RPS19BP1: variants seen among roughly 807,000 people sequenced by gnomAD.
RPS19BP1 encodes the protein ribosomal protein S19 binding protein 1.
A neutral mutation model predicts 16.6 loss-of-function variants in RPS19BP1; 14 were observed. The ratio of observed to expected loss-of-function variants is 0.84; its 90% CI spans 0.56 to 1.32. The LOEUF (loss-of-function observed/expected upper bound fraction) is 1.32, where lower values mean the gene tolerates loss of function less well. Ranked by LOEUF, RPS19BP1 falls within the 40% of genes most tolerant of loss-of-function variation. The probability of loss-of-function intolerance (pLI) is 0.00; values close to 1 mark genes in which losing one functional copy is unlikely to be tolerated. For synonymous variants in RPS19BP1, 90 were observed against 77.3 expected (o/e 1.16, Z -0.86); for missense variants, 188 against 178.6 (o/e 1.05, Z -0.30).
Position 39,529,418 on chromosome 22 carries a change from G to T in RPS19BP1, c.*74C>A. On this transcript the variant is annotated 3_prime_UTR_variant, in exon 4 of 4. Coordinates refer to ENST00000334678, the MANE Select transcript of RPS19BP1 (RefSeq NM_194326.4). The stretch of plus-strand genomic sequence containing the variant: ...TCGCCATCTGCTGGCCGCGCGGCAC[G>T]GCCGGTTCCTGGAGCCAGCAGGAGT... 2.5e-6 allele frequency: 4 copies of T among 1,578,188 alleles called. No individual in the cohort carries two copies. Among genetic ancestry groups the T allele is most frequent in the Non-Finnish European group, 3.4e-6 (4 of 1,161,618 alleles).
intron 2 of RPS19BP1, chr22:39,531,880 T>C (rs1931319808): frequency 6.1e-6 from 1 of 162,970 alleles, no homozygotes; most frequent in African/African-American, 2.4e-5. Flanking sequence ...TGTTAGTGAA[T>C]GTGTTTAAAT....
chr22:39,531,262 C>G (rs1387208552), intron 2 of RPS19BP1: 1 of 152,266 alleles, frequency 6.6e-6, no homozygotes, highest in Non-Finnish European at 1.5e-5. Context: ...GCACTCCACA[C>G]TCCTGCTTCA....
chr22:39,529,705 G>C lies in RPS19BP1; in HGVS notation c.280-82C>G, dbSNP rs1931254614. 3 of 1,599,468 alleles carry C rather than the reference G, an allele frequency of 1.9e-6. No homozygotes were observed. In the African/African-American group the frequency reaches 4.0e-5, roughly 21 times the overall value. On this transcript the variant is annotated intron_variant, in intron 3 of 3. Coordinates refer to ENST00000334678, the MANE Select transcript of RPS19BP1 (RefSeq NM_194326.4). ...AGGTCACAGGGGAGTTCGGCGCAGG[G>C]CAGGGCTGGCCCAGCCTCCCACCCT...
At chr22:39,532,216 G>T (rs1166928992) in intron 2 of RPS19BP1, 179 bp downstream of exon 2, 2 of 749,588 alleles carry the variant, frequency 2.7e-6, no homozygotes, top group Non-Finnish European at 4.3e-6. Flanking sequence ...TAGTCCACGA[G>T]GACCAGGACG....
rs545207762 is a variant in RPS19BP1, at chr22:39,529,191, A to C, written c.*301T>G. 1.5e-5 allele frequency: 6 copies of C among 405,282 alleles called. No homozygotes were observed. In the Admixed American group the frequency reaches 2.5e-4, roughly 17 times the overall value. The allele number at this position is 405,282 out of a possible 1,614,324, so 25.1% of individuals were successfully genotyped here. On this transcript the variant is annotated 3_prime_UTR_variant, in exon 4 of 4. Transcript: ENST00000334678. ...TCAGGAATTAGCCTTGCTCCACAGC[A>C]AACAGCCCAGAGGCCCCACCTGGGC... is the stretch of plus-strand genomic sequence containing the variant.
In RPS19BP1 at chr22:39,529,853, C is replaced by T; in HGVS notation, c.246G>A (p.Thr82=). Residue 82 remains threonine, a synonymous_variant, in exon 3 of 4, where the codon ACG becomes ACA. Transcript: ENST00000334678. ...TCACAGACTCAGCCACGGTGCTTCT[C>T]GTCCTGGTCAGAAACTTCAGGTTTA... ...LRVNLKFLTR[T]RSTVAESVSQ... is the part of the protein sequence containing the mutation. 3.1e-6 allele frequency: 5 copies of T among 1,614,198 alleles called. No individual in the cohort carries two copies. The highest frequency in any genetic ancestry group is 4.2e-6 in the Non-Finnish European group (5 of 1,180,030).
rs779052495 is a variant in RPS19BP1 at position 39,529,389 on chromosome 22, T to G, written c.*103A>C. ...CGGCTTCCTCGAGCCAGGCTGGTCC[T>G]GCATCGCCATCTGCTGGCCGCGCGG... On this transcript the variant is annotated 3_prime_UTR_variant, in exon 4 of 4. Transcript: ENST00000334678. 16 of 1,490,756 alleles carry G rather than the reference T, an allele frequency of 1.1e-5. No individual in the cohort carries two copies. In the South Asian group the frequency reaches 1.8e-4, roughly 17 times the overall value. The allele number at this position is 1,490,756 out of a possible 1,614,324, so 92.3% of individuals were successfully genotyped here.
Position 39,529,197 on chromosome 22 carries a change from C to T in RPS19BP1, c.*295G>A. 1 of 424,670 alleles carries T rather than the reference C, an allele frequency of 2.4e-6. No homozygotes were observed. The highest frequency in any genetic ancestry group is 4.3e-6 in the Non-Finnish European group (1 of 231,542). The allele number at this position is 424,670 out of a possible 1,614,324, so 26.3% of individuals were successfully genotyped here. A position where few individuals can be genotyped will look rare whatever the true frequency, so the allele number is the denominator to read the frequency against. ...ATTAGCCTTGCTCCACAGCAAACAGCCCAGAGGCCCCACCTGGGCAAAAGC... is the reference window on the plus strand; with the variant it reads ...ATTAGCCTTGCTCCACAGCAAACAGTCCAGAGGCCCCACCTGGGCAAAAGC... On this transcript the variant is annotated 3_prime_UTR_variant, in exon 4 of 4. Transcript: ENST00000334678.
rs1209331885 is a variant in RPS19BP1, at chr22:39,529,523, T to C, written c.380A>G (p.Gln127Arg). The C allele has an allele frequency of 4.3e-6, 7 of 1,614,120 alleles. No individual in the cohort carries two copies. Among genetic ancestry groups the C allele is most frequent in the Non-Finnish European group, 5.1e-6 (6 of 1,180,034 alleles). The stretch of plus-strand genomic sequence containing the variant: ...GCCGAAGTATTCCTGCTGGAACTTC[T>C]GGAAGTCTTCCTCGGTGAACACGGT... The part of the protein sequence containing the change: ...EGTVFTEEDF[Q>R]KFQQEYFGS Residue 127 changes from glutamine (Q) to arginine (R), a missense_variant, in exon 4 of 4, where the codon CAG (glutamine) becomes CGG (arginine). Gln to Arg is a conservative substitution (Grantham distance 43, BLOSUM62 1). Coordinates refer to ENST00000334678, the MANE Select transcript of RPS19BP1 (RefSeq NM_194326.4).
In RPS19BP1 at chr22:39,529,869, T is replaced by G. The variant is rs542822313; in HGVS notation, c.230A>C (p.Lys77Thr). ...ECRDHLRVNL[K>T]FLTRTRSTVA... ...GGTGCTTCTCGTCCTGGTCAGAAAC[T>G]TCAGGTTTACTCTGAGGTGGTCTCG... The change falls in exon 3 of 4, where the codon AAG becomes ACG. Residue 77 changes from lysine (K) to threonine (T), a missense_variant. By Grantham distance (78) the Lys-to-Thr change is moderately conservative. Coordinates refer to ENST00000334678, the MANE Select transcript of RPS19BP1 (RefSeq NM_194326.4). 27 of 1,614,086 alleles carry G rather than the reference T, an allele frequency of 1.7e-5. No individual in the cohort carries two copies. The highest frequency in any genetic ancestry group is 2.3e-5 in the Non-Finnish European group (27 of 1,180,048).
intron 3 of RPS19BP1, 51 bp from the exon 4 acceptor site, chr22:39,529,674 C>T: frequency 6.2e-7 from 1 of 1,608,502 alleles, no homozygotes; most frequent in Non-Finnish European, 8.5e-7. Context: ...CAGAGGAGGC[C>T]CGCAAAGGTC....
At chr22:39,530,663 T>C (rs909789693) in intron 2 of RPS19BP1, 2 of 175,372 alleles carry the variant, frequency 1.1e-5, no homozygotes. Flanking sequence ...AGGCTAGAGG[T>C]TGGAGTGAGA....
Position 39,532,379 on chromosome 22 carries a change from C to T in RPS19BP1, c.181+16G>A, listed in dbSNP as rs776400825. On this transcript the variant is annotated intron_variant, in intron 2 of 3. Coordinates refer to ENST00000334678, the MANE Select transcript of RPS19BP1 (RefSeq NM_194326.4). ...CAGCACCGGAGGCAGCACTTTCAGC[C>T]CCTTCCCGAACTTACCCAGTGCCGA... 30 of 1,614,136 alleles carry T rather than the reference C, an allele frequency of 1.9e-5. No homozygotes were observed. Among genetic ancestry groups the T allele is most frequent in the Non-Finnish European group, 2.3e-5 (27 of 1,180,006 alleles).
At chr22:39,532,259 G>A (rs982341536) in intron 2 of RPS19BP1, 136 bp downstream of exon 2, 10 of 1,277,900 alleles carry the variant, frequency 7.8e-6, no homozygotes, top group Middle Eastern at 2.1e-4. Context: ...TATGTCCAGG[G>A]CCCCGCTCCG....
In RPS19BP1 at chr22:39,532,732, C is replaced by T. The variant is rs1028642112; in HGVS notation, c.7G>A (p.Ala3Thr). Residue 3 changes from alanine (A) to threonine (T), a missense_variant, in exon 1 of 4, where the codon GCC becomes ACC. Physicochemically the swap from Ala to Thr is moderately conservative, Grantham distance 58. Transcript: ENST00000334678. Reference protein sequence around the residue: MSAALLRRGLELL... With the variant: MSTALLRRGLELL... The stretch of plus-strand genomic sequence containing the variant: ...TCCAGGCCCCGCCGCAGCAGGGCGG[C>T]GGACATGGCGGCGCTTGGCTCCGCC... The T allele has an allele frequency of 8.4e-6, 13 of 1,542,712 alleles. No individual in the cohort carries two copies. The East Asian group carries it at 2.0e-4, about 23-fold the overall frequency.
At chr22:39,532,655 G>C in intron 1 of RPS19BP1, 32 bp downstream of exon 1, 1 of 1,568,636 alleles carries the variant, frequency 6.4e-7, no homozygotes, top group South Asian at 1.1e-5. Flanking sequence ...CCTCCTGCCC[G>C]CGCCGGACGT....
At chr22:39,530,088 C>A (rs1354064956) in intron 2 of RPS19BP1, 171 bp from the exon 3 acceptor site, 2 of 619,952 alleles carry the variant, frequency 3.2e-6, no homozygotes, top group Non-Finnish European at 5.7e-6. Context: ...CTGAAAGCCC[C>A]AGGCTCTTGG....
At chr22:39,532,606 T>C in intron 1 of RPS19BP1, 81 bp downstream of exon 1, 1 of 1,606,822 alleles carries the variant, frequency 6.2e-7, no homozygotes, top group Non-Finnish European at 8.5e-7. Flanking sequence ...CGGCCTGGAT[T>C]GTTTTCCATC....
At chr22:39,531,626 CTT>C (rs1166641382) in intron 2 of RPS19BP1, 2 of 152,300 alleles carry the variant, frequency 1.3e-5, no homozygotes, top group African/African-American at 2.4e-5. Flanking sequence ...GCACAATTCT[CTT>C]GTTATCTCTG....
Sources: allele counts gnomAD v4.1 joint callset, GRCh38; gene constraint gnomAD v4.1.1; transcripts MANE v1.5; gene names NCBI Gene and HGNC (gene_info 2026-07-23, HGNC 2026-07-21).